CORO2B: variants seen among roughly 807,000 people sequenced by gnomAD.
CORO2B encodes the protein coronin 2B.
CORO2B carries 26 observed loss-of-function variants against 58.8 expected under a neutral mutation model. The observed-to-expected ratio is 0.44, with a 90% confidence interval of 0.32 to 0.61. The LOEUF (loss-of-function observed/expected upper bound fraction) is 0.61. Among genes scored for constraint, CORO2B ranks in the 20% least tolerant of loss-of-function variants. The pLI is 0.04. For synonymous variants in CORO2B, 242 were observed against 253.8 expected (o/e 0.95, Z 0.44); for missense variants, 460 against 645.1 (o/e 0.71, Z 3.11).
intron 1 of CORO2B, among the ~76,000 whole-genome samples, chr15:68,615,975 C>T (rs1277846556): frequency 6.6e-6 from 1 of 152,126 alleles, no homozygotes; most frequent in African/African-American, 2.4e-5. Flanking sequence ...AGGAGGCTGC[C>T]GTTTATAGAA....
At position 68,710,715 on chromosome 15, in the gene CORO2B, C is replaced by G. The variant is rs1892893788; in HGVS notation, c.334-17C>G. 1 of 1,583,234 alleles carries G rather than the reference C, an allele frequency of 6.3e-7. No homozygotes were observed. The highest frequency in any genetic ancestry group is 1.2e-5 in the South Asian group (1 of 85,688). On this transcript the variant is annotated splice_polypyrimidine_tract_variant and intron_variant, in intron 3 of 11. Transcript: ENST00000261861. The surrounding 1 kb of genome is among the most constrained non-coding windows in gnomAD (Gnocchi z 4.1). ...TGGCCGTGTCCACCCAGCCTGGACC[C>G]TCATCTCCCTCTGCAGGTGCGGATC...
chr15:68,706,301 A>G (rs369501914), intron 3 of CORO2B, among the ~76,000 whole-genome samples: 54 of 152,116 alleles, frequency 3.5e-4, no homozygotes, highest in African/African-American at 1.3e-3. Flanking sequence ...CTCTCTTCCA[A>G]CACTGCTCCT....
chr15:68,563,508 AAGAAAAAGAAAAAAAG>A, the CORO2B span, among the ~76,000 whole-genome samples: 1 of 151,764 alleles, frequency 6.6e-6, no homozygotes, highest in Non-Finnish European at 1.5e-5. Context: ...AAGAAAAGAA[AAGAAAAAGAAAAAAAG>A]AAGAGAAAAG....
chr15:68,719,034 G>T (rs1596038760), intron 9 of CORO2B, 110 bp from the exon 10 acceptor site: 1 of 957,944 alleles, frequency 1.0e-6, no homozygotes, highest in Non-Finnish European at 1.7e-6. Flanking sequence ...AGGCATAGAG[G>T]CAGGAGAGCA....
intron 1 of CORO2B, among the ~76,000 whole-genome samples, chr15:68,634,286 C>T (rs890149303): frequency 2.0e-5 from 3 of 152,140 alleles, no homozygotes; most frequent in African/African-American, 7.2e-5. Context: ...AGAAAGCCCT[C>T]GAGGGATGCA....
At chr15:68,557,743 G>T in the CORO2B span, among the ~76,000 whole-genome samples, 1 of 152,212 alleles carries the variant, frequency 6.6e-6, no homozygotes, top group Admixed American at 6.5e-5. Context: ...GAGCTGCAAG[G>T]TGGCAATGCC....
At chr15:68,541,889 C>G in the CORO2B span, among the ~76,000 whole-genome samples, 1 of 152,134 alleles carries the variant, frequency 6.6e-6, no homozygotes, top group Non-Finnish European at 1.5e-5. Flanking sequence ...CTGTGCCCTG[C>G]GAACTCTGAC....
At chr15:68,718,611 C>G in intron 8 of CORO2B, 87 bp from the exon 9 acceptor site, 1 of 1,190,370 alleles carries the variant, frequency 8.4e-7, no homozygotes, top group African/African-American at 1.5e-5. Flanking sequence ...ATTCCTCAGC[C>G]TTTCCCCTGG....
chr15:68,667,333 C>T (rs1567001423), intron 2 of CORO2B, among the ~76,000 whole-genome samples: 1 of 152,206 alleles, frequency 6.6e-6, no homozygotes, highest in Non-Finnish European at 1.5e-5. Context: ...CTCTGCTTTG[C>T]CAACAGACTC....
At chr15:68,611,894 C>G (rs780661771) in intron 1 of CORO2B, among the ~76,000 whole-genome samples, 2 of 152,048 alleles carry the variant, frequency 1.3e-5, no homozygotes, top group Non-Finnish European at 2.9e-5. Context: ...ACCTCAGCCT[C>G]CCAAGTAGCT....
At chr15:68,597,493 C>G (rs1029591710) in intron 1 of CORO2B, among the ~76,000 whole-genome samples, 1 of 152,018 alleles carries the variant, frequency 6.6e-6, no homozygotes, top group East Asian at 1.9e-4. Context: ...GGTCACACAA[C>G]GGAAATGGAA....
chr15:68,619,754 C>CGTGT (rs146181063), intron 1 of CORO2B, among the ~76,000 whole-genome samples: 2 of 151,218 alleles, frequency 1.3e-5, no homozygotes, highest in East Asian at 1.9e-4. Context: ...TGCGTGCATG[C>CGTGT]GTGTGTGTGT....
At chr15:68,640,063 T>G (rs1393678785) in intron 1 of CORO2B, among the ~76,000 whole-genome samples, 1 of 152,170 alleles carries the variant, frequency 6.6e-6, no homozygotes, top group Non-Finnish European at 1.5e-5. Flanking sequence ...GGAGGAGTCT[T>G]TTCTGTTCCC....
intron 11 of CORO2B, among the ~76,000 whole-genome samples, chr15:68,720,554 T>A (rs1297473573): frequency 1.3e-5 from 2 of 152,190 alleles, no homozygotes; most frequent in Non-Finnish European, 2.9e-5. Context: ...AGTTCACTCA[T>A]GTGGTTGCTG....
the CORO2B span, among the ~76,000 whole-genome samples, chr15:68,524,001 G>A: frequency 6.6e-6 from 1 of 152,126 alleles, no homozygotes; most frequent in African/African-American, 2.4e-5. Flanking sequence ...AAAGGTGGGA[G>A]GATTGCTTGA....
rs527405857 is a variant in CORO2B at position 68,726,014 on chromosome 15, G to A, written c.*40G>A. 1.6e-5 allele frequency: 26 copies of A among 1,607,518 alleles called. No individual in the cohort carries two copies. In the East Asian group the frequency reaches 2.2e-4, roughly 14 times the overall value. ...TGTTTTCTAAGCCGATCTCTCCGTC[G>A]TTTCTACTCATCCCTTAACTTCTCC... On this transcript the variant is annotated 3_prime_UTR_variant, in exon 12 of 12. Coordinates refer to ENST00000261861, the MANE Select transcript of CORO2B (RefSeq NM_006091.5).
intron 1 of CORO2B, among the ~76,000 whole-genome samples, chr15:68,631,559 A>G (rs1360279099): frequency 6.6e-6 from 1 of 152,182 alleles, no homozygotes; most frequent in Non-Finnish European, 1.5e-5. Context: ...TCAGCCAGGA[A>G]GTCGGCAACC....
intron 2 of CORO2B, among the ~76,000 whole-genome samples, chr15:68,667,953 A>C (rs1421604232): frequency 1.3e-5 from 2 of 152,208 alleles, no homozygotes; most frequent in African/African-American, 4.8e-5. Flanking sequence ...TAAACGAGAG[A>C]TAATAAATCC....
At position 68,698,252 on chromosome 15, in the gene CORO2B, C is replaced by T. The variant is rs925828506; in HGVS notation, c.333+2996C>T. Among the ~76,000 whole-genome samples the T allele has an allele frequency of 6.6e-5, 10 of 152,184 alleles. 1 individual carries two copies. Among genetic ancestry groups the T allele is most frequent in the Admixed American group, 1.3e-4 (2 of 15,288 alleles). On this transcript the variant is annotated intron_variant, in intron 3 of 11. Coordinates refer to ENST00000261861, the MANE Select transcript of CORO2B (RefSeq NM_006091.5). ...GACAGCCAATGCTGTCTCCCAGTGGCTCATGTCTTACCCAGGGACCCAGCT... is the reference window on the plus strand; with the variant it reads ...GACAGCCAATGCTGTCTCCCAGTGGTTCATGTCTTACCCAGGGACCCAGCT...
Sources: gnomAD v4.1 joint callset for allele counts (sites outside exome capture counted in the v4.1 genomes callset) on GRCh38, gnomAD v4.1.1 for gene constraint, Gnocchi (gnomAD v3.1) non-coding constraint, MANE v1.5 for transcripts, NCBI Gene and HGNC (gene_info 2026-07-23, HGNC 2026-07-21) for gene names.